ILRUN: variants seen among roughly 807,000 people sequenced by gnomAD.
The protein encoded by ILRUN is protein ILRUN.
A neutral mutation model predicts 33.8 loss-of-function variants in ILRUN; 3 were observed. The ratio of observed to expected loss-of-function variants is 0.09; its 90% CI spans 0.04 to 0.23. ILRUN has a LOEUF of 0.23. Ranked by LOEUF, ILRUN falls within the 10% of genes least tolerant of loss-of-function variation. The pLI is 1.00. For missense variants in ILRUN, 210 were observed against 375.1 expected, an observed-to-expected ratio of 0.56 and a Z score of 3.64; for synonymous variants, 124 against 138.9, an observed-to-expected ratio of 0.89 and a Z score of 0.75.
rs1199318370 is a variant in ILRUN at position 34,686,717 on chromosome 6, C to T, written c.158+9729G>A. On this transcript the variant is annotated intron_variant, in intron 1 of 4. Coordinates refer to ENST00000374023, the MANE Select transcript of ILRUN (RefSeq NM_024294.4). ...GGCGCGGTGGCTCACGCCTGTAATC[C>T]CAGCACTTTGGGAGGCAGAGGCGGG... is the stretch of plus-strand genomic sequence containing the variant. The T allele has an allele frequency of 2.4e-5, 5 of 206,956 alleles. No individual in the cohort carries two copies. The East Asian group carries it at 4.8e-4, about 20-fold the overall frequency. 12.8% of individuals were successfully genotyped at this position (206,956 alleles called of 1,614,324 possible). A position where few individuals can be genotyped will look rare whatever the true frequency, so the allele number is the denominator to read the frequency against.
At chr6:34,637,289 G>A (rs2127353034) in intron 3 of ILRUN, among the ~76,000 whole-genome samples, 1 of 152,224 alleles carries the variant, frequency 6.6e-6, no homozygotes, top group South Asian at 2.1e-4. Flanking sequence ...AAATTATGCT[G>A]AAATATGTCA....
At position 34,637,859 on chromosome 6, in the gene ILRUN, TGC is replaced by T. The variant is rs1562012597; in HGVS notation, c.511+8740_511+8741del. On this transcript the variant is annotated intron_variant, in intron 3 of 4. Transcript: ENST00000374023. ...CTGTTGTTGTTGCTGCTGCTGCTGC[TGC>T]TGCTGTTGTTGTTGTTGTTGTTGTT... 5.1e-4 allele frequency among the ~76,000 whole-genome samples: 69 copies of T among 134,228 alleles called. No homozygotes were observed. In the East Asian group the frequency reaches 0.014, roughly 27 times the overall value. The allele number at this position is 134,228 out of a possible 152,430, so 88.1% of individuals were successfully genotyped here.
intron 1 of ILRUN, among the ~76,000 whole-genome samples, chr6:34,694,491 T>C (rs1763713159): frequency 6.6e-6 from 1 of 152,198 alleles, no homozygotes; most frequent in African/African-American, 2.4e-5. Context: ...ACCAGAGTAA[T>C]AGCTTTTCTC....
rs144085981 is a variant in ILRUN, at chr6:34,606,705, C to T, written c.711G>A (p.Ser237=). The change falls in exon 4 of 5, where the codon TCG becomes TCA. Residue 237 remains serine (S), a synonymous_variant. Coordinates refer to ENST00000374023, the MANE Select transcript of ILRUN (RefSeq NM_024294.4). ...LKDPGGSEFD[S]ISKNTWAPAP... is the part of the protein sequence containing the mutation. ...CAGGAGCCCATGTGTTTTTGCTGAT[C>T]GAGTCGAACTCGGAGCCCCCAGGGT... is the stretch of plus-strand genomic sequence containing the variant. The T allele has an allele frequency of 5.7e-5, 92 of 1,614,106 alleles. No homozygotes were observed. Among genetic ancestry groups the T allele is most frequent in the South Asian group, 1.9e-4 (17 of 91,074 alleles).
At chr6:34,604,106 T>C (rs1240234202) in intron 4 of ILRUN, among the ~76,000 whole-genome samples, 1 of 152,232 alleles carries the variant, frequency 6.6e-6, no homozygotes, top group Admixed American at 6.5e-5. Flanking sequence ...ATGGGAAGCT[T>C]TTCTCTACAG....
chr6:34,650,409 T>A (rs7755759), intron 2 of ILRUN, among the ~76,000 whole-genome samples: 834 of 31,538 alleles, frequency 0.026, 6 homozygotes, highest in African/African-American at 0.096. Context: ...TTATTTATTT[T>A]TATTTATTTA....
chr6:34,683,415 T>C (rs1310202023), intron 1 of ILRUN, among the ~76,000 whole-genome samples: 1 of 75,376 alleles, frequency 1.3e-5, no homozygotes, highest in Admixed American at 1.6e-4. Flanking sequence ...TACATATATA[T>C]ATACATATAT....
chr6:34,593,007 T>A (rs1321816545), intron 4 of ILRUN, among the ~76,000 whole-genome samples: 1 of 151,990 alleles, frequency 6.6e-6, no homozygotes, highest in Non-Finnish European at 1.5e-5. Context: ...TGACTCCATC[T>A]CCACGCGCAA....
In ILRUN at chr6:34,695,002, G is replaced by A. The variant is rs116907018; in HGVS notation, c.158+1444C>T. Among the ~76,000 whole-genome samples, 40 of 149,836 alleles carry A rather than the reference G, an allele frequency of 2.7e-4. 1 individual carries two copies. In the East Asian group the frequency reaches 4.6e-3, roughly 17 times the overall value. On this transcript the variant is annotated intron_variant, in intron 1 of 4. Coordinates refer to ENST00000374023, the MANE Select transcript of ILRUN (RefSeq NM_024294.4). ...GGAGGCAGAGGTTGCAGTGAACCGA[G>A]GTTGCGTCACTGCACTCCAGCCTGA... is the stretch of plus-strand genomic sequence containing the variant.
rs1762572130 is a variant in ILRUN, at chr6:34,646,849, G to A, written c.314-51C>T. On this transcript the variant is annotated intron_variant, in intron 2 of 4. Coordinates refer to ENST00000374023, the MANE Select transcript of ILRUN (RefSeq NM_024294.4). The surrounding 1 kb of genome is among the most constrained non-coding windows in gnomAD (Gnocchi z 4.9). ...GTTAGGCAATCAATGGTCCTATGCT[G>A]GGTGCAGTTTATTATGAAACTGTAG... 6.4e-7 allele frequency: 1 copy of A among 1,552,194 alleles called. No individual in the cohort carries two copies. The highest frequency in any genetic ancestry group is 8.9e-7 in the Non-Finnish European group (1 of 1,129,782).
At chr6:34,640,120 T>C (rs983526198) in intron 3 of ILRUN, among the ~76,000 whole-genome samples, 1 of 152,142 alleles carries the variant, frequency 6.6e-6, no homozygotes, top group Non-Finnish European at 1.5e-5. Flanking sequence ...TTATTAGTCT[T>C]GGACCAAGTG....
intron 2 of ILRUN, among the ~76,000 whole-genome samples, chr6:34,651,310 G>A (rs1485037203): frequency 6.6e-6 from 1 of 152,144 alleles, no homozygotes; most frequent in Non-Finnish European, 1.5e-5. Context: ...CACAAGGAAA[G>A]AGATTCAGAA....
At chr6:34,622,995 A>T (rs1014239468) in intron 3 of ILRUN, among the ~76,000 whole-genome samples, 2 of 152,236 alleles carry the variant, frequency 1.3e-5, no homozygotes, top group Non-Finnish European at 2.9e-5. Context: ...AGTAGTCCCA[A>T]ATGGACAGAT....
At position 34,646,335 on chromosome 6, in the gene ILRUN, T is replaced by C. The variant is rs1762563851; in HGVS notation, c.511+266A>G. On this transcript the variant is annotated intron_variant, in intron 3 of 4. Transcript: ENST00000374023. The surrounding 1 kb of genome is among the most constrained non-coding windows in gnomAD (Gnocchi z 4.9). Reference sequence around the variant, plus strand: ...TTACAGTATCTACCAGCTTATATAATAAAAACAACAGCACTACTAAATATT... The same window carrying C: ...TTACAGTATCTACCAGCTTATATAACAAAAACAACAGCACTACTAAATATT... Among the ~76,000 whole-genome samples the C allele has an allele frequency of 6.6e-6, 1 of 152,102 alleles. No homozygotes were observed. The highest frequency in any genetic ancestry group is 2.4e-5 in the African/African-American group (1 of 41,416).
chr6:34,691,547 C>A (rs1763650086), intron 1 of ILRUN, among the ~76,000 whole-genome samples: 1 of 152,180 alleles, frequency 6.6e-6, no homozygotes. Context: ...ATAATCCCAG[C>A]ACTTTGGGAG....
chr6:34,650,622 G>A (rs1582078834), intron 2 of ILRUN, among the ~76,000 whole-genome samples: 1 of 151,690 alleles, frequency 6.6e-6, no homozygotes, highest in South Asian at 2.1e-4. Context: ...TAGTAGAGAT[G>A]GGGTTTTTAG....
At position 34,590,389 on chromosome 6, in the gene ILRUN, A is replaced by C; in HGVS notation, c.*176T>G. The C allele has an allele frequency of 1.3e-6, 1 of 747,272 alleles. No homozygotes were observed. The highest frequency in any genetic ancestry group is 2.1e-6 in the Non-Finnish European group (1 of 482,040). 46.3% of individuals were successfully genotyped at this position (747,272 alleles called of 1,614,324 possible). A position where few individuals can be genotyped will look rare whatever the true frequency, so the allele number is the denominator to read the frequency against. On this transcript the variant is annotated 3_prime_UTR_variant, in exon 5 of 5. Coordinates refer to ENST00000374023, the MANE Select transcript of ILRUN (RefSeq NM_024294.4). ...CCTGTGATTCAGCATTCACACATGC[A>C]TACTGAGTTTACTCAAAACTAGTCT... is the stretch of plus-strand genomic sequence containing the variant.
chr6:34,670,666 C>A (rs188870196), intron 1 of ILRUN, among the ~76,000 whole-genome samples: 1 of 151,418 alleles, frequency 6.6e-6, no homozygotes, highest in East Asian at 2.0e-4. Flanking sequence ...GCTTGGCCAA[C>A]ATGGTGAAAC....
intron 3 of ILRUN, among the ~76,000 whole-genome samples, chr6:34,625,881 C>T (rs968299317): frequency 5.0e-5 from 7 of 140,914 alleles, no homozygotes; most frequent in Non-Finnish European, 9.1e-5. Context: ...TAGCGAGTCT[C>T]GCTCTGTCGC....
Sources: gnomAD v4.1 joint callset for allele counts (sites outside exome capture counted in the v4.1 genomes callset) on GRCh38, gnomAD v4.1.1 for gene constraint, Gnocchi (gnomAD v3.1) non-coding constraint, MANE v1.5 for transcripts, NCBI Gene and HGNC (gene_info 2026-07-23, HGNC 2026-07-21) for gene names.